Variants in MED30 observed in about 807,000 individuals in gnomAD.
The protein encoded by MED30 is mediator of RNA polymerase II transcription subunit 30.
MED30 carries 8 observed loss-of-function variants against 21.7 expected under a neutral mutation model. The ratio of observed to expected loss-of-function variants is 0.37; its 90% CI spans 0.22 to 0.67. MED30 has a LOEUF of 0.67. MED30 is among the 30% of genes least tolerant of loss of function. The pLI is 0.58. For missense variants in MED30, 203 were observed against 228.2 expected (o/e 0.89, Z 0.71); for synonymous variants, 79 against 86.7 (o/e 0.91, Z 0.49).
intron 3 of MED30, 73 bp downstream of exon 3, chr8:117,530,900 C>A: frequency 1.0e-6 from 1 of 999,078 alleles, no homozygotes; most frequent in Non-Finnish European, 1.5e-6. Flanking sequence ...GATGTAACTC[C>A]AAAACATAAT....
chr8:117,524,436 A>G (rs1818689218), intron 1 of MED30, among the ~76,000 whole-genome samples: 1 of 152,186 alleles, frequency 6.6e-6, no homozygotes, highest in South Asian at 2.1e-4. Flanking sequence ...TAGCCACTTG[A>G]GAGTCTGATG....
intron 1 of MED30, among the ~76,000 whole-genome samples, chr8:117,522,180 T>G (rs1225056461): frequency 4.6e-5 from 7 of 152,210 alleles, no homozygotes; most frequent in Non-Finnish European, 8.8e-5. Context: ...CATTTTAAAT[T>G]TTGATGGAAT....
intron 3 of MED30, among the ~76,000 whole-genome samples, chr8:117,535,318 C>T (rs1253101175): frequency 1.3e-5 from 2 of 148,276 alleles, no homozygotes; most frequent in Non-Finnish European, 3.0e-5. Flanking sequence ...GATCTCGGCT[C>T]ACTGGGTTCA....
intron 2 of MED30, among the ~76,000 whole-genome samples, chr8:117,529,098 T>C (rs1011957376): frequency 2.6e-5 from 4 of 151,866 alleles, no homozygotes; most frequent in Non-Finnish European, 5.9e-5. Flanking sequence ...TGTCTCCTTT[T>C]AATTAAGTCA....
At position 117,521,025 on chromosome 8, in the gene MED30, A is replaced by C; in HGVS notation, c.149A>C (p.Glu50Ala). 1 of 1,593,276 alleles carries C rather than the reference A, an allele frequency of 6.3e-7. No individual in the cohort carries two copies. Among genetic ancestry groups the C allele is most frequent in the Non-Finnish European group, 8.6e-7 (1 of 1,166,980 alleles). The change falls in exon 1 of 4, where the codon GAG becomes GCG. Residue 50 changes from glutamate to alanine, a missense_variant. Glu to Ala is a moderately radical substitution (Grantham distance 107). Transcript: ENST00000297347. The part of the protein sequence containing the change: ...TVQDIVYRTM[E>A]IFQLLRNMQL... ...CAGGACATCGTGTACCGCACCATGG[A>C]GATCTTCCAGCTCCTGAGGAACATG...
intron 3 of MED30, among the ~76,000 whole-genome samples, chr8:117,533,133 C>T (rs1370682305): frequency 6.6e-6 from 1 of 151,914 alleles, no homozygotes; most frequent in Non-Finnish European, 1.5e-5. Flanking sequence ...AAAAATAAAG[C>T]TGTGTAAATT....
At chr8:117,528,592 G>C in intron 1 of MED30, 59 bp from the exon 2 acceptor site, 1 of 1,461,906 alleles carries the variant, frequency 6.8e-7, no homozygotes, top group South Asian at 1.4e-5. Flanking sequence ...TTTACTTATA[G>C]AAAATCTTGA....
intron 3 of MED30, 59 bp downstream of exon 3, chr8:117,530,886 G>A (rs1818784283): frequency 8.5e-7 from 1 of 1,171,614 alleles, no homozygotes; most frequent in Admixed American, 2.1e-5. Flanking sequence ...TTACTAGGGA[G>A]TCTGATGTAA....
chr8:117,520,773 C>G lies in MED30; in HGVS notation c.-104C>G. Reference sequence around the variant, plus strand: ...GTTTTGAAATCGGGCCGCGGGGGGTCTCTCAAGCTGGTTCCAACGCTGAGG... The same window carrying G: ...GTTTTGAAATCGGGCCGCGGGGGGTGTCTCAAGCTGGTTCCAACGCTGAGG... On this transcript the variant is annotated 5_prime_UTR_variant, in exon 1 of 4. Coordinates refer to ENST00000297347, the MANE Select transcript of MED30 (RefSeq NM_080651.4). 8.3e-7 allele frequency: 1 copy of G among 1,204,786 alleles called. No individual in the cohort carries two copies. The allele number at this position is 1,204,786 out of a possible 1,614,324, so 74.6% of individuals were successfully genotyped here.
intron 3 of MED30, among the ~76,000 whole-genome samples, chr8:117,537,445 C>T (rs1017920183): frequency 2.0e-5 from 3 of 152,058 alleles, no homozygotes; most frequent in African/African-American, 7.2e-5. Context: ...ATTTTCATGA[C>T]ATGTTTTGAC....
intron 2 of MED30, 56 bp downstream of exon 2, chr8:117,528,865 A>G: frequency 1.5e-6 from 2 of 1,327,332 alleles, no homozygotes; most frequent in East Asian, 2.6e-5. Context: ...GTGTCAAGAC[A>G]GTTGTTAATC....
chr8:117,526,349 G>A (rs1586861223), intron 1 of MED30, among the ~76,000 whole-genome samples: 3 of 151,932 alleles, frequency 2.0e-5, no homozygotes, highest in East Asian at 1.9e-4. Context: ...CAGAATTAGG[G>A]TCTTAGTAGA....
chr8:117,538,410 G>GTCTT (rs1444031038), intron 3 of MED30, among the ~76,000 whole-genome samples: 1 of 152,022 alleles, frequency 6.6e-6, no homozygotes, highest in African/African-American at 2.4e-5. Flanking sequence ...GAGTTTCTTG[G>GTCTT]TCTTTCCTTT....
intron 1 of MED30, among the ~76,000 whole-genome samples, chr8:117,521,453 G>A (rs1054931131): frequency 1.3e-5 from 2 of 151,800 alleles, no homozygotes; most frequent in Non-Finnish European, 2.9e-5. Context: ...TCCTTTTTTT[G>A]GCATAGTTAA....
chr8:117,528,677 TG>T lies in MED30; in HGVS notation c.206del (p.Gly69GlufsTer7), dbSNP rs1253206592. On this transcript the variant is annotated frameshift_variant, in exon 2 of 4. Coordinates refer to ENST00000297347, the MANE Select transcript of MED30 (RefSeq NM_080651.4). LOFTEE classifies it high-confidence loss of function. ...QLPNGVTYHT[G>X]TYQDRLTKLQ... ...TGCCAAATGGTGTCACTTACCACAC[TG>T]GAACATATCAAGACCGGTTAACAAA... is the stretch of plus-strand genomic sequence containing the variant. 6.2e-7 allele frequency: 1 copy of T among 1,604,196 alleles called. No individual in the cohort carries two copies. Among genetic ancestry groups the T allele is most frequent in the African/African-American group, 1.3e-5 (1 of 74,396 alleles).
chr8:117,523,490 G>A (rs944533583), intron 1 of MED30: 66 of 1,590,856 alleles, frequency 4.1e-5, no homozygotes, highest in Non-Finnish European at 5.6e-5. Context: ...AGGGTGGCAG[G>A]AACAATCTCC....
intron 1 of MED30, among the ~76,000 whole-genome samples, chr8:117,524,808 T>C (rs1051197868): frequency 2.0e-5 from 3 of 152,332 alleles, no homozygotes; most frequent in East Asian, 1.9e-4. Context: ...GTATATTGTT[T>C]CATTTTCGCC....
intron 3 of MED30, among the ~76,000 whole-genome samples, chr8:117,536,482 T>C (rs1413964768): frequency 6.6e-6 from 1 of 152,206 alleles, no homozygotes; most frequent in Non-Finnish European, 1.5e-5. Flanking sequence ...CCTCAGTCAT[T>C]TTCAAGATAT....
intron 3 of MED30, among the ~76,000 whole-genome samples, chr8:117,538,154 C>T (rs1197128095): frequency 1.3e-5 from 2 of 152,140 alleles, no homozygotes; most frequent in Non-Finnish European, 2.9e-5. Flanking sequence ...CTATCACTTA[C>T]TTATGATAAC....
Sources: allele counts gnomAD v4.1 joint callset (sites outside exome capture counted in the v4.1 genomes callset), GRCh38; gene constraint gnomAD v4.1.1; transcripts MANE v1.5; gene names NCBI Gene and HGNC (gene_info 2026-07-23, HGNC 2026-07-21).